Variants in TMEM255A observed in about 807,000 individuals in gnomAD.
TMEM255A encodes the protein transmembrane protein 255A, also known as family with sequence similarity 70, member A.
TMEM255A carries 14 observed loss-of-function variants against 23.5 expected under a neutral mutation model. That is an observed-to-expected ratio of 0.60 (90% CI 0.39 to 0.93). The LOEUF is 0.93. Among genes scored for constraint, TMEM255A ranks in the 40% least tolerant of loss-of-function variants. TMEM255A has a pLI of 0.00. For synonymous variants in TMEM255A, 104 were observed against 100.3 expected (o/e 1.04, Z -0.22); for missense variants, 233 against 261.7 (o/e 0.89, Z 0.76).
chrX:120,273,845 G>T (rs1382996549), intron 7 of TMEM255A, among the ~76,000 whole-genome samples: 1 of 112,193 alleles, frequency 8.9e-6, no homozygotes, highest in Non-Finnish European at 1.9e-5. Flanking sequence ...GTGGAAAACA[G>T]TTTGGCAGCT....
chrX:120,287,476 G>A (rs976757858), intron 4 of TMEM255A, among the ~76,000 whole-genome samples: 5 of 111,516 alleles, frequency 4.5e-5, no homozygotes, highest in African/African-American at 1.6e-4. Context: ...AACTGATTGA[G>A]AAATGGGCTT....
At chrX:120,287,448 G>T (rs782225315) in intron 4 of TMEM255A, among the ~76,000 whole-genome samples, 15 of 111,392 alleles carry the variant, frequency 1.3e-4, no homozygotes, top group Non-Finnish European at 2.8e-4. Flanking sequence ...AGACTACTTG[G>T]TTAATGAGAA....
intron 6 of TMEM255A, among the ~76,000 whole-genome samples, chrX:120,283,456 C>T (rs1367893886): frequency 1.8e-5 from 2 of 110,817 alleles, no homozygotes; most frequent in African/African-American, 6.6e-5. Flanking sequence ...CCCAAAATAC[C>T]GACAGTAGGG....
rs1569330594 is a variant in TMEM255A, at chrX:120,260,729, TC to T, written c.*140del. The T allele has an allele frequency of 7.2e-6, 6 of 828,893 alleles. No homozygotes were observed. Among genetic ancestry groups the T allele is most frequent in the Non-Finnish European group, 1.0e-5 (6 of 599,275 alleles). The allele number at this position is 828,893 out of a possible 1,213,427, so 68.3% of individuals were successfully genotyped here. A position where few individuals can be genotyped will look rare whatever the true frequency, so the allele number is the denominator to read the frequency against. On this transcript the variant is annotated 3_prime_UTR_variant, in exon 9 of 9. Coordinates refer to ENST00000371369, the MANE Select transcript of TMEM255A (RefSeq NM_001104544.3). ...CTGCACTAATAATGAATAAGCTTCGTCCCTATCTTTCCCTAGCCTGGCAGGC... is the reference window on the plus strand; with the variant it reads ...CTGCACTAATAATGAATAAGCTTCGTCCTATCTTTCCCTAGCCTGGCAGGC...
intron 7 of TMEM255A, among the ~76,000 whole-genome samples, chrX:120,272,053 G>C (rs1184403437): frequency 1.8e-5 from 2 of 112,225 alleles, no homozygotes; most frequent in African/African-American, 6.5e-5. Flanking sequence ...AGGATTCTTG[G>C]TCAGTGGCCA....
the TMEM255A span, among the ~76,000 whole-genome samples, chrX:120,251,638 A>T: frequency 9.1e-6 from 1 of 110,125 alleles, no homozygotes; most frequent in Admixed American, 9.6e-5. Flanking sequence ...GGTTTGTTTC[A>T]CTCCCTCGCG....
chrX:120,286,057 TA>T lies in TMEM255A; in HGVS notation c.424-843del, dbSNP rs782523468. 3.1e-4 allele frequency: 134 copies of T among 431,477 alleles called. No individual in the cohort carries two copies. The South Asian group carries it at 3.3e-3, about 11-fold the overall frequency. The allele number at this position is 431,477 out of a possible 1,213,427, so 35.6% of individuals were successfully genotyped here. A position where few individuals can be genotyped will look rare whatever the true frequency, so the allele number is the denominator to read the frequency against. On this transcript the variant is annotated intron_variant, in intron 5 of 8. Coordinates refer to ENST00000371369, the MANE Select transcript of TMEM255A (RefSeq NM_001104544.3). ...CTGCCTTTCAGATAAGCTGTTATCA[TA>T]TATGCATTTCTATTCCTCCTATCTA...
chrX:120,265,367 A>ACAT (rs1175044806), intron 8 of TMEM255A, among the ~76,000 whole-genome samples: 1 of 111,965 alleles, frequency 8.9e-6, no homozygotes, highest in Non-Finnish European at 1.9e-5. Flanking sequence ...AATACTAAAG[A>ACAT]CATCTTGAGC....
At chrX:120,294,624 C>A (rs1339156914) in intron 2 of TMEM255A, among the ~76,000 whole-genome samples, 2 of 111,638 alleles carry the variant, frequency 1.8e-5, no homozygotes, top group African/African-American at 6.5e-5. Flanking sequence ...TCAGAGCCTG[C>A]CTATTTCAAT....
chrX:120,299,245 G>C (rs1407985422), intron 2 of TMEM255A, among the ~76,000 whole-genome samples: 2 of 112,009 alleles, frequency 1.8e-5, no homozygotes, highest in African/African-American at 6.5e-5. Flanking sequence ...CTGGGCTCAG[G>C]CAATCCTCCT....
At chrX:120,296,448 C>CT (rs2057957050) in intron 2 of TMEM255A, among the ~76,000 whole-genome samples, 21 of 55,106 alleles carry the variant, frequency 3.8e-4, no homozygotes, top group African/African-American at 1.6e-3. Context: ...CACTCCAATG[C>CT]ATTCAGTTTT....
chrX:120,291,077 C>T (rs185467922), intron 4 of TMEM255A, among the ~76,000 whole-genome samples, 174 bp downstream of exon 4: 6 of 111,498 alleles, frequency 5.4e-5, no homozygotes, highest in Non-Finnish European at 9.4e-5. Context: ...TAGATGTCCG[C>T]GTGTCCATTG....
At chrX:120,279,012 T>C (rs1390358970) in intron 6 of TMEM255A, among the ~76,000 whole-genome samples, 3 of 112,269 alleles carry the variant, frequency 2.7e-5, no homozygotes, top group African/African-American at 9.7e-5. Context: ...TGCAGATTCC[T>C]AGGCCCAGCC....
chrX:120,268,166 AT>A, intron 8 of TMEM255A, 77 bp downstream of exon 8: 1 of 1,055,974 alleles, frequency 9.5e-7, no homozygotes, highest in Admixed American at 2.9e-5. Context: ...AGGTTCCATA[AT>A]TGAATTTAGG....
intron 2 of TMEM255A, among the ~76,000 whole-genome samples, chrX:120,296,628 T>A (rs5909695): frequency 4.5e-5 from 3 of 66,793 alleles, no homozygotes; most frequent in South Asian, 6.8e-4. Flanking sequence ...GAATATAATA[T>A]ATATATATTA....
chrX:120,305,346 C>CA (rs1322166195), intron 1 of TMEM255A, among the ~76,000 whole-genome samples: 2 of 109,277 alleles, frequency 1.8e-5, no homozygotes, highest in Admixed American at 2.0e-4. Flanking sequence ...AGCACTGTCT[C>CA]ACACTCTGCA....
intron 6 of TMEM255A, among the ~76,000 whole-genome samples, chrX:120,278,370 C>T (rs1300255231): frequency 8.9e-6 from 1 of 112,232 alleles, no homozygotes; most frequent in Non-Finnish European, 1.9e-5. Flanking sequence ...CTAAGCAATA[C>T]ATCACCCTTT....
At chrX:120,272,818 T>G (rs1283269600) in intron 7 of TMEM255A, among the ~76,000 whole-genome samples, 3 of 104,587 alleles carry the variant, frequency 2.9e-5, no homozygotes, top group Non-Finnish European at 3.9e-5. Context: ...CTCGGCTCAC[T>G]GCAACCTCCA....
chrX:120,291,613 G>A (rs1428150010), intron 3 of TMEM255A, among the ~76,000 whole-genome samples: 12 of 103,672 alleles, frequency 1.2e-4, no homozygotes, highest in African/African-American at 3.5e-4. Flanking sequence ...TATCTAGCAT[G>A]CTGTCCATGA....
Sources: gnomAD v4.1 joint callset for allele counts (sites outside exome capture counted in the v4.1 genomes callset) on GRCh38, gnomAD v4.1.1 for gene constraint, MANE v1.5 for transcripts, NCBI Gene and HGNC (gene_info 2026-07-23, HGNC 2026-07-21) for gene names.